RAB1A: variants seen among roughly 807,000 people sequenced by gnomAD.
RAB1A encodes the protein RAB1A, member RAS oncogene family.
In RAB1A, 2 loss-of-function variants were observed where a neutral mutation model predicts 26.0. The observed-to-expected ratio is 0.08, with a 90% CI of 0.03 to 0.24. The LOEUF is 0.24. Among genes scored for constraint, RAB1A ranks in the 10% least tolerant of loss-of-function variants. The pLI is 1.00. For synonymous variants in RAB1A, 84 were observed against 84.9 expected, an observed-to-expected ratio of 0.99 and a Z score of 0.06; for missense variants, 100 against 247.0, an observed-to-expected ratio of 0.40 and a Z score of 3.99.
chr2:65,110,867 TTGAGGCTGCAG>T (rs1669679115), intron 1 of RAB1A, among the ~76,000 whole-genome samples: 1 of 151,902 alleles, frequency 6.6e-6, no homozygotes. Context: ...GCCCAGGAGT[TTGAGGCTGCAG>T]TGAGCTATGA....
chr2:65,112,073 A>C (rs930385328), intron 1 of RAB1A, among the ~76,000 whole-genome samples: 1 of 151,564 alleles, frequency 6.6e-6, no homozygotes, highest in Non-Finnish European at 1.5e-5. Context: ...ACAGAACAAG[A>C]CTCCATCTCA....
intron 1 of RAB1A, among the ~76,000 whole-genome samples, chr2:65,106,212 G>C (rs1292419767): frequency 6.6e-6 from 1 of 152,108 alleles, no homozygotes; most frequent in African/African-American, 2.4e-5. Flanking sequence ...TCAGACACCA[G>C]TTCTATGCAT....
In RAB1A at chr2:65,104,847, C is replaced by T. The variant is rs200510162; in HGVS notation, c.24-41G>A. ...GAAAATGATGTTAATAAAAAGCACA[C>T]TGCATTGCTATAAGCTATACAAAAA... is the stretch of plus-strand genomic sequence containing the variant. On this transcript the variant is annotated intron_variant, in intron 1 of 5. Transcript: ENST00000409784. 38 of 1,443,964 alleles carry T rather than the reference C, an allele frequency of 2.6e-5. No individual in the cohort carries two copies. In the African/African-American group the frequency reaches 4.8e-4, roughly 18 times the overall value. 89.4% of individuals were successfully genotyped at this position (1,443,964 alleles called of 1,614,324 possible).
At chr2:65,095,483 AG>A (rs1267885037) in intron 3 of RAB1A, among the ~76,000 whole-genome samples, 1 of 149,560 alleles carries the variant, frequency 6.7e-6, no homozygotes, top group African/African-American at 2.5e-5. Context: ...CTGGGGAGCT[AG>A]GACTACAGGC....
At chr2:65,104,666 T>C in intron 2 of RAB1A, 68 bp downstream of exon 2, 1 of 1,162,968 alleles carries the variant, frequency 8.6e-7, no homozygotes, top group South Asian at 1.4e-5. Flanking sequence ...TTTAATTTTA[T>C]CTACCTAGAA....
chr2:65,129,020 A>C (rs17753548), intron 1 of RAB1A, among the ~76,000 whole-genome samples: 3 of 152,078 alleles, frequency 2.0e-5, no homozygotes, highest in Non-Finnish European at 4.4e-5. Flanking sequence ...CCTATCTGCA[A>C]GCATCCAAGC....
intron 1 of RAB1A, among the ~76,000 whole-genome samples, chr2:65,117,753 T>C (rs536857332): frequency 7.0e-6 from 1 of 143,432 alleles, no homozygotes; most frequent in South Asian, 2.2e-4. Context: ...TTTTTTTTGG[T>C]AGAGATGAGG....
intron 2 of RAB1A, among the ~76,000 whole-genome samples, chr2:65,100,854 C>A (rs1253927896): frequency 6.7e-6 from 1 of 149,694 alleles, no homozygotes; most frequent in Non-Finnish European, 1.5e-5. Flanking sequence ...GATAGAAATA[C>A]TGAATTCTTG....
At chr2:65,129,782 C>G (rs1670195455) in intron 1 of RAB1A, 111 bp downstream of exon 1, 1 of 1,510,674 alleles carries the variant, frequency 6.6e-7, no homozygotes, top group African/African-American at 1.4e-5. Context: ...ACCCATCACC[C>G]TCGCCTCACC....
rs913359801 is a variant in RAB1A, at chr2:65,088,318, G to A, written c.*175C>T. 3 of 546,312 alleles carry A rather than the reference G, an allele frequency of 5.5e-6. No individual in the cohort carries two copies. In the Admixed American group the frequency reaches 1.1e-4, roughly 20 times the overall value. 33.8% of individuals were successfully genotyped at this position (546,312 alleles called of 1,614,324 possible). A position where few individuals can be genotyped will look rare whatever the true frequency, so the allele number is the denominator to read the frequency against. ...TTCTGAAAATGAAGTTAGCTGTCTTGAGTCAAGGGAATAAAAAAAAAGTCA... is the reference window on the plus strand; with the variant it reads ...TTCTGAAAATGAAGTTAGCTGTCTTAAGTCAAGGGAATAAAAAAAAAGTCA... On this transcript the variant is annotated 3_prime_UTR_variant, in exon 6 of 6. Transcript: ENST00000409784.
At chr2:65,127,820 A>G (rs1172559292) in intron 1 of RAB1A, among the ~76,000 whole-genome samples, 1 of 151,930 alleles carries the variant, frequency 6.6e-6, no homozygotes, top group African/African-American at 2.4e-5. Flanking sequence ...TGCAAGCTCC[A>G]CCTCCCGGGA....
chr2:65,104,878 A>G (rs535517134), intron 1 of RAB1A, 72 bp from the exon 2 acceptor site: 3 of 1,215,106 alleles, frequency 2.5e-6, no homozygotes, highest in Non-Finnish European at 3.7e-6. Flanking sequence ...AAAAACAAAA[A>G]CACAGCTACA....
chr2:65,089,792 C>T lies in RAB1A; in HGVS notation c.289-722G>A, dbSNP rs144564614. On this transcript the variant is annotated intron_variant, in intron 4 of 5. Coordinates refer to ENST00000409784, the MANE Select transcript of RAB1A (RefSeq NM_004161.5). ...ATCTCGGCTCACTGCAACCTCTGCCCGCTGGGTTCAAGCGATTCTCCTGTC... is the reference window on the plus strand; with the variant it reads ...ATCTCGGCTCACTGCAACCTCTGCCTGCTGGGTTCAAGCGATTCTCCTGTC... Among the ~76,000 whole-genome samples the T allele has an allele frequency of 1.2e-3, 175 of 150,660 alleles. 2 individuals carry two copies. The East Asian group carries it at 0.022, about 19-fold the overall frequency.
In RAB1A at chr2:65,089,376, C is replaced by CT. The variant is rs914960471; in HGVS notation, c.289-307dup. 3.7e-3 allele frequency among the ~76,000 whole-genome samples: 547 copies of CT among 145,978 alleles called. 4 individuals are homozygous for CT. Among genetic ancestry groups the CT allele is most frequent in the African/African-American group, 0.01 (404 of 39,460 alleles). On this transcript the variant is annotated intron_variant, in intron 4 of 5. Coordinates refer to ENST00000409784, the MANE Select transcript of RAB1A (RefSeq NM_004161.5). ...TACAGGCACATGCCACCACACCTGTCTTTTTTTTTTTGGATTTTTTGTATA... is the reference window on the plus strand; with the variant it reads ...TACAGGCACATGCCACCACACCTGTCTTTTTTTTTTTTGGATTTTTTGTATA...
chr2:65,121,128 G>C (rs1669954033), intron 1 of RAB1A, among the ~76,000 whole-genome samples: 1 of 151,444 alleles, frequency 6.6e-6, no homozygotes, highest in Non-Finnish European at 1.5e-5. Context: ...CAGTTACTCA[G>C]GAGGCTGAGA....
intron 2 of RAB1A, among the ~76,000 whole-genome samples, chr2:65,100,087 G>A (rs1297468646): frequency 2.0e-5 from 3 of 152,140 alleles, no homozygotes; most frequent in African/African-American, 7.2e-5. Context: ...TAATGGCAAT[G>A]TCATTTTATA....
At chr2:65,109,433 G>T (rs1380270851) in intron 1 of RAB1A, among the ~76,000 whole-genome samples, 2 of 152,130 alleles carry the variant, frequency 1.3e-5, no homozygotes, top group East Asian at 1.9e-4. Flanking sequence ...GCTGGGCGCG[G>T]TGGCTCACAC....
chr2:65,127,835 G>A (rs1192216253), intron 1 of RAB1A, among the ~76,000 whole-genome samples: 2 of 152,120 alleles, frequency 1.3e-5, no homozygotes, highest in African/African-American at 4.8e-5. Context: ...CCGGGATCAC[G>A]CCATTCTCCT....
intron 1 of RAB1A, among the ~76,000 whole-genome samples, chr2:65,116,066 A>G (rs1403622258): frequency 6.6e-6 from 1 of 152,068 alleles, no homozygotes; most frequent in Non-Finnish European, 1.5e-5. Context: ...TGAGGCAGGA[A>G]GAATTGCTTG....
Sources: gnomAD v4.1 joint callset for allele counts (sites outside exome capture counted in the v4.1 genomes callset) on GRCh38, gnomAD v4.1.1 for gene constraint, MANE v1.5 for transcripts, NCBI Gene and HGNC (gene_info 2026-07-23, HGNC 2026-07-21) for gene names.